Variants in ADAMTS20 observed in about 807,000 individuals in gnomAD.
ADAMTS20 encodes the protein ADAM metallopeptidase with thrombospondin type 1 motif 20.
ADAMTS20 carries 225 observed loss-of-function variants against 260.1 expected under a neutral mutation model. The ratio of observed to expected loss-of-function variants is 0.87; its 90% CI spans 0.78 to 0.97. The LOEUF (loss-of-function observed/expected upper bound fraction) is 0.97, where lower values mean the gene tolerates loss of function less well. Among genes scored for constraint, ADAMTS20 ranks in the 50% least tolerant of loss-of-function variants. The pLI, the probability that ADAMTS20 is intolerant of heterozygous loss-of-function variation, is 0.00. For synonymous variants in ADAMTS20, 802 were observed against 769.5 expected (o/e 1.04, Z -0.70); for missense variants, 2,400 against 2,337.7 (o/e 1.03, Z -0.55).
intron 37 of ADAMTS20, among the ~76,000 whole-genome samples, chr12:43,366,780 G>C (rs1245572741): frequency 1.3e-5 from 2 of 151,442 alleles, no homozygotes; most frequent in Non-Finnish European, 3.0e-5. Context: ...AAATATTTTG[G>C]GATGCAACAA....
intron 7 of ADAMTS20, among the ~76,000 whole-genome samples, chr12:43,472,932 T>C (rs1942291693): frequency 3.8e-5 from 5 of 131,218 alleles, no homozygotes; most frequent in Admixed American, 1.6e-4. Flanking sequence ...CATCAACTAA[T>C]GAGCAAAATC....
intron 28 of ADAMTS20, among the ~76,000 whole-genome samples, chr12:43,409,612 A>AAAAAAAAAAAC (rs1295499192): frequency 6.9e-6 from 1 of 144,608 alleles, no homozygotes; most frequent in East Asian, 1.9e-4. Context: ...AAAAAAAAAA[A>AAAAAAAAAAAC]AAAAAAAAAA....
chr12:43,408,054 G>A (rs1295822749), intron 28 of ADAMTS20, among the ~76,000 whole-genome samples: 2 of 152,194 alleles, frequency 1.3e-5, no homozygotes, highest in Non-Finnish European at 2.9e-5. Flanking sequence ...AGTATAGGGT[G>A]ACATGGAGAA....
chr12:43,482,397 A>G (rs1477707046), intron 7 of ADAMTS20, among the ~76,000 whole-genome samples: 2 of 152,212 alleles, frequency 1.3e-5, no homozygotes. Context: ...AGTCTGGGGA[A>G]GTTTCGAGTT....
intron 28 of ADAMTS20, among the ~76,000 whole-genome samples, chr12:43,408,269 T>C (rs1592052925): frequency 6.6e-6 from 1 of 152,280 alleles, no homozygotes; most frequent in East Asian, 1.9e-4. Context: ...AGCATGACCG[T>C]CTGCCTTCCT....
chr12:43,549,568 A>G (rs533726389), intron 2 of ADAMTS20, among the ~76,000 whole-genome samples: 1 of 152,330 alleles, frequency 6.6e-6, no homozygotes, highest in East Asian at 1.9e-4. Context: ...TTTCCATGAG[A>G]AAACATAATG....
At chr12:43,358,325 G>C (rs1218009498) in intron 37 of ADAMTS20, among the ~76,000 whole-genome samples, 1 of 152,150 alleles carries the variant, frequency 6.6e-6, no homozygotes, top group Non-Finnish European at 1.5e-5. Context: ...ATTTTCATGA[G>C]CTTTACTTCT....
chr12:43,386,354 G>C (rs1028221560), intron 29 of ADAMTS20, among the ~76,000 whole-genome samples: 1 of 152,146 alleles, frequency 6.6e-6, no homozygotes, highest in Non-Finnish European at 1.5e-5. Context: ...AGAGAGATCC[G>C]CTGTTAGTCT....
chr12:43,353,170 TG>T (rs1431558907), downstream of ADAMTS20, among the ~76,000 whole-genome samples: 1 of 152,032 alleles, frequency 6.6e-6, no homozygotes, highest in African/African-American at 2.4e-5. Context: ...ATTATCTGCA[TG>T]AAAAAAACTC....
At chr12:43,521,905 G>C (rs751919425) in intron 3 of ADAMTS20, among the ~76,000 whole-genome samples, 6 of 152,048 alleles carry the variant, frequency 3.9e-5, no homozygotes, top group Non-Finnish European at 5.9e-5. Flanking sequence ...CTCTTGGCTG[G>C]AGAGCCCTGT....
rs142700001 is a variant in ADAMTS20 at position 43,438,137 on chromosome 12, C to T, written c.2593+1485G>A. Among the ~76,000 whole-genome samples, 127 of 152,282 alleles carry T rather than the reference C, an allele frequency of 8.3e-4. 2 individuals carry two copies. The highest frequency in any genetic ancestry group is 2.7e-3 in the African/African-American group (111 of 41,570). On this transcript the variant is annotated intron_variant, in intron 18 of 38. Transcript: ENST00000389420. ...AAATAATAGTTGCTTTTCCCCTGCA[C>T]GCGATTGTTTAAGAGAACTCTCCTG...
intron 3 of ADAMTS20, among the ~76,000 whole-genome samples, chr12:43,510,214 A>G (rs923681443): frequency 1.3e-5 from 2 of 152,068 alleles, no homozygotes; most frequent in Non-Finnish European, 2.9e-5. Flanking sequence ...TTCCAAATAT[A>G]CAAGTACTCA....
chr12:43,481,803 C>T (rs986055858), intron 7 of ADAMTS20, among the ~76,000 whole-genome samples: 1 of 152,040 alleles, frequency 6.6e-6, no homozygotes. Context: ...GACAAAATAG[C>T]GTGTGGAACT....
intron 3 of ADAMTS20, among the ~76,000 whole-genome samples, chr12:43,522,554 T>C (rs1943086870): frequency 6.6e-6 from 1 of 152,148 alleles, no homozygotes; most frequent in Non-Finnish European, 1.5e-5. Flanking sequence ...ACTAATGAGG[T>C]CTCCTGAGGA....
intron 28 of ADAMTS20, among the ~76,000 whole-genome samples, chr12:43,404,283 T>G (rs1318896784): frequency 1.3e-5 from 2 of 151,922 alleles, no homozygotes; most frequent in Non-Finnish European, 2.9e-5. Context: ...CTACCTTTCT[T>G]TTACAAGGAG....
At chr12:43,441,067 A>C (rs1592070596) in intron 16 of ADAMTS20, among the ~76,000 whole-genome samples, 1 of 116,088 alleles carries the variant, frequency 8.6e-6, no homozygotes, top group East Asian at 5.0e-4. Flanking sequence ...TCCGTCTCCA[A>C]AAAAAAAAAA....
At chr12:43,410,253 T>C (rs1413631250) in intron 28 of ADAMTS20, among the ~76,000 whole-genome samples, 1 of 152,184 alleles carries the variant, frequency 6.6e-6, no homozygotes, top group Non-Finnish European at 1.5e-5. Flanking sequence ...GTTAAGGTCA[T>C]CTGTGCCAGA....
At chr12:43,367,941 T>C (rs1940023110) in intron 37 of ADAMTS20, among the ~76,000 whole-genome samples, 2 of 152,030 alleles carry the variant, frequency 1.3e-5, no homozygotes, top group South Asian at 4.1e-4. Context: ...GCCTTCTTAA[T>C]GTTGAGCTGG....
At chr12:43,454,108 C>A in intron 11 of ADAMTS20, 56 bp from the exon 12 acceptor site, 12 of 1,558,524 alleles carry the variant, frequency 7.7e-6, no homozygotes, top group East Asian at 2.3e-5. Flanking sequence ...TAGAACATCA[C>A]AAAAATTATA....
Sources: gnomAD v4.1 joint callset for allele counts (sites outside exome capture counted in the v4.1 genomes callset) on GRCh38, gnomAD v4.1.1 for gene constraint, MANE v1.5 for transcripts, NCBI Gene and HGNC (gene_info 2026-07-23, HGNC 2026-07-21) for gene names.